The following CTNNBL1 variants were observed in gnomAD, a reference collection of about 807,000 sequenced individuals.
CTNNBL1 encodes the protein catenin beta like 1.
A neutral mutation model predicts 72.7 loss-of-function variants in CTNNBL1; 31 were observed. That is an observed-to-expected ratio of 0.43 (90% CI 0.32 to 0.58). The LOEUF is 0.58. Ranked by LOEUF, CTNNBL1 falls within the 20% of genes least tolerant of loss-of-function variation. The probability of loss-of-function intolerance (pLI) is 0.08; values close to 1 mark genes in which losing one functional copy is unlikely to be tolerated. For missense variants in CTNNBL1, 534 were observed against 725.1 expected (o/e 0.74, Z 3.03); for synonymous variants, 240 against 267.3 (o/e 0.90, Z 1.00).
intron 1 of CTNNBL1, among the ~76,000 whole-genome samples, chr20:37,711,472 G>A (rs2072937864): frequency 6.6e-6 from 1 of 150,830 alleles, no homozygotes; most frequent in Admixed American, 6.6e-5. Flanking sequence ...CTAGACGTTG[G>A]GAATAAAGTG....
intron 1 of CTNNBL1, among the ~76,000 whole-genome samples, chr20:37,697,170 C>T (rs544390292): frequency 2.0e-5 from 3 of 150,668 alleles, no homozygotes; most frequent in African/African-American, 4.9e-5. Flanking sequence ...GCAACAAGAG[C>T]GAAACTCTCT....
intron 13 of CTNNBL1, among the ~76,000 whole-genome samples, chr20:37,854,817 G>C (rs555724094): frequency 6.6e-6 from 1 of 151,836 alleles, no homozygotes; most frequent in East Asian, 1.9e-4. Flanking sequence ...TCAAACTCCT[G>C]GCCTCAAGTG....
chr20:37,754,363 C>T (rs2073346200), intron 4 of CTNNBL1, among the ~76,000 whole-genome samples: 1 of 149,698 alleles, frequency 6.7e-6, no homozygotes, highest in Non-Finnish European at 1.5e-5. Flanking sequence ...TCAGGCAATC[C>T]TCCTGCCTTG....
intron 13 of CTNNBL1, among the ~76,000 whole-genome samples, chr20:37,844,514 C>G (rs1467213913): frequency 6.6e-6 from 1 of 152,152 alleles, no homozygotes; most frequent in Non-Finnish European, 1.5e-5. Flanking sequence ...GTGCAACGGT[C>G]TAGTAGAAAA....
chr20:37,785,280 C>A (rs1453419853), intron 10 of CTNNBL1, among the ~76,000 whole-genome samples: 1 of 151,988 alleles, frequency 6.6e-6, no homozygotes, highest in Non-Finnish European at 1.5e-5. Flanking sequence ...GTTTTGTAAC[C>A]TTTTGTTCTT....
intron 7 of CTNNBL1, chr20:37,777,138 A>C: frequency 2.0e-6 from 1 of 508,432 alleles, no homozygotes; most frequent in Non-Finnish European, 3.6e-6. Flanking sequence ...CTGGGCATTA[A>C]GAGTGTGAGA....
chr20:37,860,690 A>G (rs918982371), intron 15 of CTNNBL1, among the ~76,000 whole-genome samples: 2 of 152,262 alleles, frequency 1.3e-5, no homozygotes, highest in African/African-American at 4.8e-5. Flanking sequence ...AAAGCAAGGA[A>G]ATGACAAGAA....
At chr20:37,860,135 T>C (rs1280360496) in intron 14 of CTNNBL1, 99 bp downstream of exon 14, 1 of 1,516,314 alleles carries the variant, frequency 6.6e-7, no homozygotes, top group Non-Finnish European at 9.1e-7. Context: ...GGGGTCACGC[T>C]CTCCTTGAAT....
At chr20:37,829,875 A>G (rs2072192834) in intron 11 of CTNNBL1, among the ~76,000 whole-genome samples, 1 of 152,172 alleles carries the variant, frequency 6.6e-6, no homozygotes, top group East Asian at 1.9e-4. Flanking sequence ...CCTGTCACCC[A>G]GGCTGGAGTG....
intron 1 of CTNNBL1, among the ~76,000 whole-genome samples, chr20:37,696,756 G>T (rs1025978353): frequency 2.6e-5 from 4 of 151,974 alleles, no homozygotes; most frequent in Non-Finnish European, 4.4e-5. Context: ...TGAAAATAAT[G>T]TACAGTACCT....
intron 13 of CTNNBL1, among the ~76,000 whole-genome samples, chr20:37,858,370 G>A (rs2072461429): frequency 6.6e-6 from 1 of 152,352 alleles, no homozygotes; most frequent in South Asian, 2.1e-4. Flanking sequence ...AAGATGATGG[G>A]GAGGAGAGGA....
At chr20:37,715,131 CAG>C (rs1391068008) in intron 1 of CTNNBL1, among the ~76,000 whole-genome samples, 1 of 152,194 alleles carries the variant, frequency 6.6e-6, no homozygotes, top group Non-Finnish European at 1.5e-5. Context: ...CCTCAGGAAA[CAG>C]ATCTGTAGTA....
intron 11 of CTNNBL1, among the ~76,000 whole-genome samples, chr20:37,806,188 A>G (rs2071958413): frequency 6.6e-6 from 1 of 152,194 alleles, no homozygotes; most frequent in Admixed American, 6.5e-5. Flanking sequence ...GCTTTGCTGT[A>G]CACTGACCTT....
At chr20:37,813,680 CTG>C (rs1460055259) in intron 11 of CTNNBL1, among the ~76,000 whole-genome samples, 1 of 152,074 alleles carries the variant, frequency 6.6e-6, no homozygotes, top group African/African-American at 2.4e-5. Flanking sequence ...CAGTAGGACT[CTG>C]TTAGTTTTCA....
chr20:37,759,166 G>A (rs145336546), intron 5 of CTNNBL1, among the ~76,000 whole-genome samples: 1 of 152,232 alleles, frequency 6.6e-6, no homozygotes, highest in African/African-American at 2.4e-5. Flanking sequence ...TAGAATTCAG[G>A]GCATTTATTT....
chr20:37,804,461 C>T (rs1450598018), intron 11 of CTNNBL1, among the ~76,000 whole-genome samples: 1 of 152,086 alleles, frequency 6.6e-6, no homozygotes, highest in Non-Finnish European at 1.5e-5. Context: ...GTGGGTTCTA[C>T]AGCTAACTAG....
chr20:37,759,272 C>G (rs1234242658), intron 5 of CTNNBL1, among the ~76,000 whole-genome samples: 2 of 152,180 alleles, frequency 1.3e-5, no homozygotes, highest in Non-Finnish European at 2.9e-5. Context: ...CTTGCTCCTA[C>G]TCTGTGTCCC....
At chr20:37,859,832 C>T (rs2072474889) in intron 13 of CTNNBL1, 67 bp from the exon 14 acceptor site, 3 of 1,548,616 alleles carry the variant, frequency 1.9e-6, no homozygotes, top group African/African-American at 1.4e-5. Context: ...TATGGCCAGA[C>T]TAGGAGTCCA....
intron 11 of CTNNBL1, among the ~76,000 whole-genome samples, chr20:37,803,501 C>T (rs926938165): frequency 1.3e-5 from 2 of 152,200 alleles, no homozygotes; most frequent in African/African-American, 4.8e-5. Flanking sequence ...TTATGTTTCT[C>T]CTCCCTGATG....
Sources: gnomAD v4.1 joint callset for allele counts (sites outside exome capture counted in the v4.1 genomes callset) on GRCh38, gnomAD v4.1.1 for gene constraint, MANE v1.5 for transcripts, NCBI Gene and HGNC (gene_info 2026-07-23, HGNC 2026-07-21) for gene names.